The following UMAD1 variants were observed in gnomAD, a reference collection of about 807,000 sequenced individuals.
UMAD1 encodes the protein UBAP1-MVB12-associated (UMA)-domain containing protein 1.
A neutral mutation model predicts 6.1 loss-of-function variants in UMAD1; 8 were observed. The ratio of observed to expected loss-of-function variants is 1.30; its 90% CI spans 0.76 to 2.35. The LOEUF (loss-of-function observed/expected upper bound fraction) is 2.35, where lower values mean the gene tolerates loss of function less well. Among genes scored for constraint, UMAD1 ranks in the 30% most tolerant of loss-of-function variants. UMAD1 has a pLI of 0.00. For synonymous variants in UMAD1, 56 were observed against 31.4 expected (o/e 1.78, Z -2.61); for missense variants, 130 against 78.4 (o/e 1.66, Z -2.49).
chr7:7,834,076 G>A (rs1783517289), intron 3 of UMAD1, among the ~76,000 whole-genome samples: 1 of 138,194 alleles, frequency 7.2e-6, no homozygotes, highest in Non-Finnish European at 1.5e-5. Context: ...AGGCTGGAGT[G>A]CAATGGCGTG....
intron 2 of UMAD1, among the ~76,000 whole-genome samples, chr7:7,696,689 G>A (rs893296440): frequency 3.9e-5 from 6 of 152,112 alleles, no homozygotes; most frequent in South Asian, 2.1e-4. Context: ...AAAGCACTCC[G>A]TAAAGATTTT....
chr7:7,734,496 T>C (rs1781312470), intron 2 of UMAD1, among the ~76,000 whole-genome samples: 1 of 152,284 alleles, frequency 6.6e-6, no homozygotes, highest in East Asian at 1.9e-4. Context: ...TGCTTTTACT[T>C]TCAGAGCTAA....
At chr7:7,828,072 CTCTT>C (rs1252217256) in intron 3 of UMAD1, among the ~76,000 whole-genome samples, 1 of 152,104 alleles carries the variant, frequency 6.6e-6, no homozygotes, top group Admixed American at 6.5e-5. Context: ...ATGAAAGAGA[CTCTT>C]TGTCATTCAC....
At chr7:7,738,368 A>C (rs781365252) in intron 2 of UMAD1, among the ~76,000 whole-genome samples, 4 of 152,206 alleles carry the variant, frequency 2.6e-5, no homozygotes, top group Non-Finnish European at 5.9e-5. Flanking sequence ...AATCATCTCT[A>C]TTTGAGTTGG....
chr7:7,850,161 ACTAT>A (rs1440432584), intron 3 of UMAD1, among the ~76,000 whole-genome samples: 9 of 152,162 alleles, frequency 5.9e-5, no homozygotes, highest in Admixed American at 5.2e-4. Context: ...AGTTTTAAAA[ACTAT>A]CTATCCCCAT....
intron 1 of UMAD1, among the ~76,000 whole-genome samples, chr7:7,645,180 T>C (rs1419835766): frequency 6.6e-6 from 1 of 152,218 alleles, no homozygotes; most frequent in Non-Finnish European, 1.5e-5. Flanking sequence ...ATTATAGTTT[T>C]GTTTCTTAAG....
Position 7,877,467 on chromosome 7 carries a change from G to A in UMAD1, c.343G>A (p.Asp115Asn). ...TDLPDHLLSYDGSENLSRFWY... is the reference protein window; with the variant it reads ...TDLPDHLLSYNGSENLSRFWY... ...CCTTCCCGACCACTTACTCTCCTAT[G>A]ATGGCAGCGAAAACTTATCACGGTT... The change falls in exon 4 of 4, where the codon GAT becomes AAT. Residue 115 changes from aspartate (D) to asparagine (N), a missense_variant. Transcript: ENST00000682710. 1.4e-6 allele frequency: 1 copy of A among 717,632 alleles called. No individual in the cohort carries two copies. Among genetic ancestry groups the A allele is most frequent in the South Asian group, 1.5e-5 (1 of 67,604 alleles). The allele number at this position is 717,632 out of a possible 1,614,324, so 44.5% of individuals were successfully genotyped here.
chr7:7,726,204 G>A (rs1337929701), intron 2 of UMAD1, among the ~76,000 whole-genome samples: 1 of 152,206 alleles, frequency 6.6e-6, no homozygotes, highest in African/African-American at 2.4e-5. Flanking sequence ...TATCCCATGT[G>A]AGTGCTCACT....
chr7:7,845,216 TA>T (rs1168137159), intron 3 of UMAD1, among the ~76,000 whole-genome samples: 1 of 152,076 alleles, frequency 6.6e-6, no homozygotes, highest in Non-Finnish European at 1.5e-5. Context: ...ACTGACGTTT[TA>T]GATATATTGG....
intron 3 of UMAD1, among the ~76,000 whole-genome samples, chr7:7,808,872 A>G (rs138336832): frequency 1.1e-3 from 161 of 152,042 alleles, no homozygotes; most frequent in African/African-American, 3.6e-3. Context: ...TAACTAACAG[A>G]TGGTAGAGCT....
intron 1 of UMAD1, among the ~76,000 whole-genome samples, chr7:7,643,660 C>A (rs1375768341): frequency 6.6e-6 from 1 of 150,530 alleles, no homozygotes; most frequent in African/African-American, 2.4e-5. Context: ...TGCAGTGAGC[C>A]GAGATCGCGC....
chr7:7,740,287 A>C (rs1268177284), intron 2 of UMAD1, among the ~76,000 whole-genome samples: 2 of 152,254 alleles, frequency 1.3e-5, no homozygotes, highest in African/African-American at 4.8e-5. Flanking sequence ...AAGCACCTCC[A>C]AGGATGTATT....
intron 3 of UMAD1, among the ~76,000 whole-genome samples, chr7:7,827,672 T>C (rs1185394775): frequency 2.0e-5 from 3 of 152,096 alleles, no homozygotes; most frequent in Non-Finnish European, 4.4e-5. Context: ...TAACTTCTAG[T>C]TCATTATTTA....
intron 3 of UMAD1, among the ~76,000 whole-genome samples, chr7:7,818,113 T>C (rs1038563884): frequency 6.6e-6 from 1 of 152,186 alleles, no homozygotes; most frequent in Non-Finnish European, 1.5e-5. Flanking sequence ...AGTACTTAGT[T>C]ATTTTTTCTG....
intron 2 of UMAD1, among the ~76,000 whole-genome samples, chr7:7,716,838 C>T (rs149591330): frequency 0.011 from 1,617 of 152,102 alleles, 30 homozygotes; most frequent in African/African-American, 0.035. Flanking sequence ...CCCAGCTACT[C>T]GGGAGCCTGA....
chr7:7,756,952 A>G (rs1364673985), intron 2 of UMAD1, among the ~76,000 whole-genome samples: 1 of 152,186 alleles, frequency 6.6e-6, no homozygotes, highest in Non-Finnish European at 1.5e-5. Flanking sequence ...TGCTTGCCTG[A>G]GAGGGAAGTA....
intron 1 of UMAD1, among the ~76,000 whole-genome samples, chr7:7,648,732 G>A (rs1346411515): frequency 6.6e-6 from 1 of 151,904 alleles, no homozygotes; most frequent in Non-Finnish European, 1.5e-5. Context: ...GTGTGCCTGT[G>A]GTCCTAGCTA....
At chr7:7,667,032 C>G (rs916044549) in intron 1 of UMAD1, among the ~76,000 whole-genome samples, 1 of 152,184 alleles carries the variant, frequency 6.6e-6, no homozygotes, top group African/African-American at 2.4e-5. Context: ...AGGTCTCTAA[C>G]TCCTAACCTC....
At chr7:7,697,547 A>G (rs546175576) in intron 2 of UMAD1, among the ~76,000 whole-genome samples, 2 of 152,172 alleles carry the variant, frequency 1.3e-5, no homozygotes, top group Non-Finnish European at 2.9e-5. Flanking sequence ...AAAATTTTCC[A>G]AGTATCTCAG....
Sources: gnomAD v4.1 joint callset for allele counts (sites outside exome capture counted in the v4.1 genomes callset) on GRCh38, gnomAD v4.1.1 for gene constraint, MANE v1.5 for transcripts, NCBI Gene and HGNC (gene_info 2026-07-23, HGNC 2026-07-21) for gene names.